Variants in BAHCC1 observed in about 807,000 individuals in gnomAD.
The protein encoded by BAHCC1 is BAH and coiled-coil domain-containing protein 1.
In BAHCC1, 43 loss-of-function variants were observed where a neutral mutation model predicts 88.2. The observed-to-expected ratio is 0.49, with a 90% confidence interval of 0.38 to 0.63. The LOEUF (loss-of-function observed/expected upper bound fraction) is 0.63, where lower values mean the gene tolerates loss of function less well. Among genes scored for constraint, BAHCC1 ranks in the 20% least tolerant of loss-of-function variants. The pLI is 0.00. For missense variants in BAHCC1, 3,023 were observed against 1,654.8 expected (o/e 1.83, Z -14.34); for synonymous variants, 1,510 against 745.5 (o/e 2.03, Z -16.71).
Position 81,460,288 on chromosome 17 carries a change from G to T in BAHCC1, c.5917G>T (p.Asp1973Tyr). 1 of 772,744 alleles carries T rather than the reference G, an allele frequency of 1.3e-6. No individual in the cohort carries two copies. Among genetic ancestry groups the T allele is most frequent in the South Asian group, 1.4e-5 (1 of 72,968 alleles). 47.9% of individuals were successfully genotyped at this position (772,744 alleles called of 1,614,324 possible). A position where few individuals can be genotyped will look rare whatever the true frequency, so the allele number is the denominator to read the frequency against. ...TGTGCCGTCCACAGGGGCCTCCGGT[G>T]ACGAAGATGAGGACCTGGACTCAGT... ...PGNVVRGASGDEDEDLDSVVV... is the reference protein window; with the variant it reads ...PGNVVRGASGYEDEDLDSVVV... The change falls in exon 24 of 28, where the codon GAC (aspartate) becomes TAC (tyrosine). Residue 1973 changes from aspartate (D) to tyrosine (Y), a missense_variant. Transcript: ENST00000675386.
intron 3 of BAHCC1, among the ~76,000 whole-genome samples, chr17:81,430,041 G>A (rs1408662946): frequency 6.6e-6 from 1 of 152,118 alleles, no homozygotes; most frequent in Non-Finnish European, 1.5e-5. Flanking sequence ...CGAGGCTCGC[G>A]CTCCCACCAG....
rs782413976 is a variant in BAHCC1 at position 81,462,995 on chromosome 17, TGGGGCCCAGCCCCCCTC to T, written c.7620+27_7620+43del. 6 of 776,294 alleles carry T rather than the reference TGGGGCCCAGCCCCCCTC, an allele frequency of 7.7e-6. No homozygotes were observed. The highest frequency in any genetic ancestry group is 6.7e-5 in the South Asian group (5 of 74,398). The allele number at this position is 776,294 out of a possible 1,614,324, so 48.1% of individuals were successfully genotyped here. ...CGGCAAGGTGAGGCCCGGACAGGTG[TGGGGCCCAGCCCCCCTC>T]GGGGCCCCAGGGAGGGGACACGACA... On this transcript the variant is annotated intron_variant, in intron 27 of 27. Transcript: ENST00000675386.
intron 2 of BAHCC1, among the ~76,000 whole-genome samples, chr17:81,404,012 G>A (rs568367534): frequency 6.6e-6 from 1 of 152,348 alleles, no homozygotes; most frequent in Admixed American, 6.5e-5. Context: ...GGCAGAGAAC[G>A]GCGTTGTGCA....
rs1168637338 is a variant in BAHCC1 at position 81,463,871 on chromosome 17, T to C, written c.*54T>C. 4.3e-6 allele frequency: 3 copies of C among 692,682 alleles called. No individual in the cohort carries two copies. The highest frequency in any genetic ancestry group is 7.9e-6 in the Non-Finnish European group (3 of 378,482). 42.9% of individuals were successfully genotyped at this position (692,682 alleles called of 1,614,324 possible). On this transcript the variant is annotated 3_prime_UTR_variant, in exon 28 of 28. Coordinates refer to ENST00000675386, the MANE Select transcript of BAHCC1 (RefSeq NM_001377448.1). ...CGCCAGGGACCCTGTGTGCGGAGCC[T>C]GGCGTCGGCCAAGCCACCGGGCAGG... is the stretch of plus-strand genomic sequence containing the variant.
At chr17:81,439,427 C>T (rs1401854035) in intron 4 of BAHCC1, among the ~76,000 whole-genome samples, 1 of 151,728 alleles carries the variant, frequency 6.6e-6, no homozygotes, top group Non-Finnish European at 1.5e-5. Flanking sequence ...GGTTTCTGGC[C>T]TGGGCTATGG....
At chr17:81,408,976 G>A (rs1443325929) in intron 2 of BAHCC1, among the ~76,000 whole-genome samples, 1 of 152,248 alleles carries the variant, frequency 6.6e-6, no homozygotes, top group African/African-American at 2.4e-5. Flanking sequence ...AGGCACGCGT[G>A]TGTGGGTGTG....
In BAHCC1 at chr17:81,458,964, C is replaced by T; in HGVS notation, c.5600C>T (p.Ala1867Val). 1 of 735,602 alleles carries T rather than the reference C, an allele frequency of 1.4e-6. No homozygotes were observed. Among genetic ancestry groups the T allele is most frequent in the Non-Finnish European group, 2.5e-6 (1 of 392,930 alleles). 45.6% of individuals were successfully genotyped at this position (735,602 alleles called of 1,614,324 possible). A position where few individuals can be genotyped will look rare whatever the true frequency, so the allele number is the denominator to read the frequency against. Residue 1867 changes from alanine (A) to valine (V), a missense_variant, in exon 20 of 28, where the codon GCC becomes GTC. Physicochemically the swap from Ala to Val is moderately conservative, Grantham distance 64. Coordinates refer to ENST00000675386, the MANE Select transcript of BAHCC1 (RefSeq NM_001377448.1). ...SGPLSAEQSA[A>V]LARSCAIHKE... The stretch of plus-strand genomic sequence containing the variant: ...CCTCTGAGCGCAGAGCAGAGCGCCG[C>T]CCTAGGTGAGCAGGGCCAGGAAGGG...
rs1056574075 is a variant in BAHCC1 at position 81,434,984 on chromosome 17, C to T, written c.359-3386C>T. ...AGGGGTGAGAAGCCACCAGGCCTCC[C>T]TTCTCCAGGTGGGCAGGAGGAAAGG... On this transcript the variant is annotated intron_variant, in intron 3 of 27. Coordinates refer to ENST00000675386, the MANE Select transcript of BAHCC1 (RefSeq NM_001377448.1). The surrounding 1 kb of genome is among the most constrained non-coding windows in gnomAD (Gnocchi z 4.9). Among the ~76,000 whole-genome samples the T allele has an allele frequency of 3.3e-5, 5 of 151,992 alleles. No individual in the cohort carries two copies. Among genetic ancestry groups the T allele is most frequent in the African/African-American group, 9.7e-5 (4 of 41,362 alleles).
chr17:81,419,813 A>G (rs1457579735), intron 2 of BAHCC1, among the ~76,000 whole-genome samples: 6 of 134,184 alleles, frequency 4.5e-5, no homozygotes, highest in Non-Finnish European at 9.8e-5. Context: ...TTTTTTTTAC[A>G]ACCCATTTCA....
intron 16 of BAHCC1, among the ~76,000 whole-genome samples, chr17:81,457,038 T>C (rs2064762611): frequency 1.3e-5 from 2 of 151,978 alleles, no homozygotes; most frequent in South Asian, 4.1e-4. Flanking sequence ...AGGTCTCAGA[T>C]GCCTGAGAAA....
intron 2 of BAHCC1, among the ~76,000 whole-genome samples, chr17:81,423,100 C>G (rs1051716820): frequency 6.6e-6 from 1 of 152,132 alleles, no homozygotes; most frequent in Admixed American, 6.5e-5. Context: ...GGGCCTGGGC[C>G]TGGCCCTGCT....
chr17:81,415,124 G>A (rs1441924578), intron 2 of BAHCC1, among the ~76,000 whole-genome samples: 2 of 152,350 alleles, frequency 1.3e-5, no homozygotes, highest in East Asian at 3.9e-4. Context: ...GACGGGCCCG[G>A]GCGAGGGAGC....
intron 2 of BAHCC1, among the ~76,000 whole-genome samples, chr17:81,414,195 C>T (rs1030064186): frequency 3.9e-5 from 6 of 152,230 alleles, no homozygotes; most frequent in Non-Finnish European, 7.3e-5. Context: ...CAGAGCGGCT[C>T]CTCCCATGGC....
intron 3 of BAHCC1, among the ~76,000 whole-genome samples, chr17:81,427,257 T>TGG (rs1392483083): frequency 1.3e-5 from 2 of 152,104 alleles, no homozygotes; most frequent in Non-Finnish European, 2.9e-5. Context: ...GGAGGGGCTC[T>TGG]GGGGAGCTGA....
rs934720697 is a variant in BAHCC1, at chr17:81,427,187, G to A, written c.358+208G>A. 2.5e-3 allele frequency among the ~76,000 whole-genome samples: 378 copies of A among 152,292 alleles called. 1 individual carries two copies. Among genetic ancestry groups the A allele is most frequent in the African/African-American group, 8.8e-3 (366 of 41,558 alleles). The stretch of plus-strand genomic sequence containing the variant: ...GGTTGGAAACAAGGGCAGCCTGTTC[G>A]GCAGTGGTCCTGGCCAGATGTGTGC... On this transcript the variant is annotated intron_variant, in intron 3 of 27. Coordinates refer to ENST00000675386, the MANE Select transcript of BAHCC1 (RefSeq NM_001377448.1).
At chr17:81,448,116 G>A (rs1482833822) in intron 11 of BAHCC1, among the ~76,000 whole-genome samples, 2 of 152,178 alleles carry the variant, frequency 1.3e-5, no homozygotes, top group African/African-American at 2.4e-5. Flanking sequence ...AGGGCCTCTC[G>A]GGCAGCACCT....
chr17:81,436,767 C>T (rs909760009), intron 3 of BAHCC1, among the ~76,000 whole-genome samples: 2 of 152,232 alleles, frequency 1.3e-5, no homozygotes, highest in Non-Finnish European at 2.9e-5. Context: ...CAGGGCTGCA[C>T]CAGGGCCAGG....
At chr17:81,451,639 G>T in intron 11 of BAHCC1, 29 bp from the exon 12 acceptor site, 1 of 765,672 alleles carries the variant, frequency 1.3e-6, no homozygotes. Context: ...GCCCAGTTAT[G>T]CCCATGCTGA....
chr17:81,448,119 C>T (rs1272702464), intron 11 of BAHCC1, among the ~76,000 whole-genome samples: 21 of 152,332 alleles, frequency 1.4e-4, no homozygotes, highest in African/African-American at 4.6e-4. Context: ...GCCTCTCGGG[C>T]AGCACCTCCT....
Sources: allele counts gnomAD v4.1 joint callset (sites outside exome capture counted in the v4.1 genomes callset), GRCh38; gene constraint gnomAD v4.1.1; non-coding constraint Gnocchi (gnomAD v3.1); transcripts MANE v1.5; gene names NCBI Gene and HGNC (gene_info 2026-07-23, HGNC 2026-07-21).